Variants in ANAPC1 observed in about 807,000 individuals in gnomAD.
The protein encoded by ANAPC1 is anaphase promoting complex subunit 1, also known as anaphase-promoting complex subunit 1.
In ANAPC1, 36 loss-of-function variants were observed where a neutral mutation model predicts 208.0. The ratio of observed to expected loss-of-function variants is 0.17; its 90% confidence interval spans 0.13 to 0.23. The LOEUF (loss-of-function observed/expected upper bound fraction) is 0.23. Ranked by LOEUF, ANAPC1 falls within the 10% of genes least tolerant of loss-of-function variation. The probability of loss-of-function intolerance (pLI) is 1.00; values close to 1 mark genes in which losing one functional copy is unlikely to be tolerated. For missense variants in ANAPC1, 942 were observed against 2,011.6 expected (o/e 0.47, Z 10.17); for synonymous variants, 378 against 695.2 (o/e 0.54, Z 7.18).
At chr2:111,779,172 G>A (rs1677148085) in intron 44 of ANAPC1, 1 of 175,830 alleles carries the variant, frequency 5.7e-6, no homozygotes, top group African/African-American at 2.4e-5. Context: ...CTGGGGTTAA[G>A]GGTGGGCATG....
intron 9 of ANAPC1, 94 bp downstream of exon 9, chr2:111,863,581 A>C (rs1369654847): frequency 1.6e-5 from 20 of 1,249,852 alleles, no homozygotes; most frequent in Non-Finnish European, 2.1e-5. Flanking sequence ...TCTCCCCTAA[A>C]TATATTTCCC....
At chr2:111,851,010 A>T in intron 13 of ANAPC1, 100 bp from the exon 14 acceptor site, 1 of 1,381,676 alleles carries the variant, frequency 7.2e-7, no homozygotes, top group Non-Finnish European at 9.6e-7. Context: ...TTCTTTTGAT[A>T]TTTCTAAGTT....
At chr2:111,848,913 A>C (rs998670608) in intron 14 of ANAPC1, among the ~76,000 whole-genome samples, 1 of 152,230 alleles carries the variant, frequency 6.6e-6, no homozygotes, top group Non-Finnish European at 1.5e-5. Flanking sequence ...TTATTTATTC[A>C]AAAATACAGG....
chr2:111,882,233 G>C (rs74971923), intron 1 of ANAPC1, among the ~76,000 whole-genome samples: 1 of 151,554 alleles, frequency 6.6e-6, no homozygotes, highest in South Asian at 2.1e-4. Flanking sequence ...TAACTCTTTG[G>C]GGAGGCTGAC....
intron 5 of ANAPC1, 118 bp downstream of exon 5, chr2:111,873,190 A>G (rs1682849452): frequency 9.7e-7 from 1 of 1,034,384 alleles, no homozygotes; most frequent in South Asian, 2.5e-5. Context: ...AGTTATTTTG[A>G]GTAAAAATAA....
Position 111,847,713 on chromosome 2 carries a change from G to A in ANAPC1, c.1791+12C>T. ...CCCACTTCTTGGAAAGCTACCAAAT[G>A]TTTATACTTACCAGGGTGACTCTGT... On this transcript the variant is annotated intron_variant, in intron 15 of 47. Coordinates refer to ENST00000341068, the MANE Select transcript of ANAPC1 (RefSeq NM_022662.4). 6.8e-7 allele frequency: 1 copy of A among 1,461,480 alleles called. No homozygotes were observed. Among genetic ancestry groups the A allele is most frequent in the Non-Finnish European group, 9.1e-7 (1 of 1,098,906 alleles). The allele number at this position is 1,461,480 out of a possible 1,614,324, so 90.5% of individuals were successfully genotyped here. A position where few individuals can be genotyped will look rare whatever the true frequency, so the allele number is the denominator to read the frequency against.
chr2:111,841,908 G>C (rs563191302), intron 17 of ANAPC1, among the ~76,000 whole-genome samples: 2 of 152,198 alleles, frequency 1.3e-5, no homozygotes, highest in South Asian at 4.2e-4. Context: ...GCTGGCAAAG[G>C]TTCACCACAC....
rs766649970 is a variant in ANAPC1, at chr2:111,847,169, G to A, written c.1821C>T (p.Ile607=). Residue 607 remains isoleucine (I), a synonymous_variant, in exon 16 of 48, where the codon ATC becomes ATT. Transcript: ENST00000341068. The part of the protein sequence containing the change: ...LELSNGSMVR[I]TIPEIATSEL... Reference sequence around the variant, plus strand: ...CAGAGGTGGCAATTTCAGGAATAGTGATCCTAACCATGGAGCCATTACTCA... The same window carrying A: ...CAGAGGTGGCAATTTCAGGAATAGTAATCCTAACCATGGAGCCATTACTCA... 70 of 1,610,584 alleles carry A rather than the reference G, an allele frequency of 4.3e-5. No individual in the cohort carries two copies. Among genetic ancestry groups the A allele is most frequent in the Non-Finnish European group, 5.8e-5 (68 of 1,179,128 alleles).
rs372146095 is a variant in ANAPC1, at chr2:111,833,327, C to A, written c.2385-16G>T. The A allele has an allele frequency of 7.7e-6, 12 of 1,563,212 alleles. No homozygotes were observed. The Admixed American group carries it at 2.0e-4, about 26-fold the overall frequency. ...TTTTAAGTCCCTAAAACAGTAAGGG[C>A]ATGTAAAAAAGAAGGTATTACAGCA... On this transcript the variant is annotated splice_polypyrimidine_tract_variant and intron_variant, in intron 19 of 47. Coordinates refer to ENST00000341068, the MANE Select transcript of ANAPC1 (RefSeq NM_022662.4).
At chr2:111,863,265 T>C (rs1682180987) in intron 9 of ANAPC1, among the ~76,000 whole-genome samples, 2 of 151,796 alleles carry the variant, frequency 1.3e-5, no homozygotes, top group Non-Finnish European at 2.9e-5. Context: ...TCCCCGCACT[T>C]TGGGAGGCCA....
intron 1 of ANAPC1, among the ~76,000 whole-genome samples, chr2:111,881,681 C>T (rs1683305607): frequency 6.6e-6 from 1 of 152,178 alleles, no homozygotes. Flanking sequence ...GATTGTCCTT[C>T]GATCCACTTT....
chr2:111,800,037 C>T (rs200506590), intron 34 of ANAPC1, among the ~76,000 whole-genome samples: 1,831 of 69,498 alleles, frequency 0.026, 78 homozygotes, highest in African/African-American at 0.031. Flanking sequence ...CCAGTTAATA[C>T]ATATGGTACA....
intron 14 of ANAPC1, among the ~76,000 whole-genome samples, chr2:111,849,624 G>A (rs760962921): frequency 5.4e-4 from 82 of 152,220 alleles, no homozygotes; most frequent in African/African-American, 1.9e-3. Flanking sequence ...TCGGAGCCTC[G>A]TTCCACATCA....
At chr2:111,788,935 G>A (rs1677717653) in intron 38 of ANAPC1, among the ~76,000 whole-genome samples, 1 of 152,166 alleles carries the variant, frequency 6.6e-6, no homozygotes, top group Non-Finnish European at 1.5e-5. Context: ...TCAGGAGATC[G>A]AGACCATCCT....
At chr2:111,801,367 A>G (rs1199421006) in intron 33 of ANAPC1, among the ~76,000 whole-genome samples, 2 of 147,576 alleles carry the variant, frequency 1.4e-5, no homozygotes, top group African/African-American at 5.1e-5. Context: ...ATAAAAAAAA[A>G]AAAAAGAAAA....
At chr2:111,838,551 A>T in intron 17 of ANAPC1, 39 bp from the exon 18 acceptor site, 4 of 1,536,684 alleles carry the variant, frequency 2.6e-6, no homozygotes, top group Non-Finnish European at 3.5e-6. Context: ...AAAATCGTAA[A>T]TGCATTCCTG....
chr2:111,784,249 T>G, intron 41 of ANAPC1, 74 bp downstream of exon 41: 1 of 1,613,488 alleles, frequency 6.2e-7, no homozygotes, highest in African/African-American at 1.3e-5. Flanking sequence ...AGGCTTTTAT[T>G]TAGCTATCTT....
In ANAPC1 at chr2:111,794,972, C is replaced by T. The variant is rs183311007; in HGVS notation, c.4297-78G>A. The T allele has an allele frequency of 3.2e-6, 4 of 1,237,430 alleles. No homozygotes were observed. In the South Asian group the frequency reaches 4.3e-5, roughly 13 times the overall value. 76.7% of individuals were successfully genotyped at this position (1,237,430 alleles called of 1,614,324 possible). ...ATTTAATAATCTGAAGAATAACATA[C>T]TGCTTATCATGGCTATATTTATATA... On this transcript the variant is annotated intron_variant, in intron 34 of 47. Transcript: ENST00000341068.
intron 8 of ANAPC1, 125 bp downstream of exon 8, chr2:111,864,681 T>G: frequency 1.3e-6 from 2 of 1,502,464 alleles, no homozygotes; most frequent in South Asian, 2.4e-5. Flanking sequence ...AGGCTGGTCT[T>G]GAACGTCCTG....
Sources: allele counts gnomAD v4.1 joint callset (sites outside exome capture counted in the v4.1 genomes callset), GRCh38; gene constraint gnomAD v4.1.1; transcripts MANE v1.5; gene names NCBI Gene and HGNC (gene_info 2026-07-23, HGNC 2026-07-21).